Variants in PPFIBP1 observed in about 807,000 individuals in gnomAD.
PPFIBP1 encodes the protein liprin-beta-1.
PPFIBP1 carries 112 observed loss-of-function variants against 137.8 expected under a neutral mutation model. The ratio of observed to expected loss-of-function variants is 0.81; its 90% CI spans 0.70 to 0.95. The LOEUF is 0.95. PPFIBP1 is among the 40% of genes least tolerant of loss of function. The pLI, the probability that PPFIBP1 is intolerant of heterozygous loss-of-function variation, is 0.00. For synonymous variants in PPFIBP1, 378 were observed against 417.3 expected (o/e 0.91, Z 1.15); for missense variants, 1,083 against 1,196.6 (o/e 0.91, Z 1.40).
intron 4 of PPFIBP1, among the ~76,000 whole-genome samples, chr12:27,644,790 T>A (rs1284392437): frequency 6.6e-6 from 1 of 152,346 alleles, no homozygotes; most frequent in East Asian, 1.9e-4. Flanking sequence ...TTTAATCCAC[T>A]CTAAATATGC....
At chr12:27,691,662 C>T (rs925856612) in intron 27 of PPFIBP1, 87 bp from the exon 28 acceptor site, 54 of 1,065,746 alleles carry the variant, frequency 5.1e-5, no homozygotes, top group Middle Eastern at 2.3e-4. Context: ...GAGGGGGCAA[C>T]GCAAAAAAAA....
chr12:27,529,838 CTT>C (rs1190029639), intron 1 of PPFIBP1, among the ~76,000 whole-genome samples: 1 of 152,172 alleles, frequency 6.6e-6, no homozygotes, highest in Non-Finnish European at 1.5e-5. Context: ...AGTGTGGACT[CTT>C]TTATGGTATG....
In PPFIBP1 at chr12:27,693,115, T is replaced by C; in HGVS notation, c.*233T>C. On this transcript the variant is annotated 3_prime_UTR_variant, in exon 30 of 30. Transcript: ENST00000228425. ...GTTTTTCTTCTATTTAATGTAAAAATCTGTGATATATTATATTTAAAGTGT... is the reference window on the plus strand; with the variant it reads ...GTTTTTCTTCTATTTAATGTAAAAACCTGTGATATATTATATTTAAAGTGT... 1 of 481,480 alleles carries C rather than the reference T, an allele frequency of 2.1e-6. No homozygotes were observed. The highest frequency in any genetic ancestry group is 3.4e-6 in the Non-Finnish European group (1 of 291,048). The allele number at this position is 481,480 out of a possible 1,614,324, so 29.8% of individuals were successfully genotyped here.
At chr12:27,618,521 A>C (rs965819806) in intron 2 of PPFIBP1, among the ~76,000 whole-genome samples, 1 of 152,208 alleles carries the variant, frequency 6.6e-6, no homozygotes, top group East Asian at 1.9e-4. Context: ...ATTGATAGTA[A>C]GTCTTTAGAT....
Position 27,593,619 on chromosome 12 carries a change from A to G in PPFIBP1, c.-36+15380A>G. 3 of 451,418 alleles carry G rather than the reference A, an allele frequency of 6.6e-6. No homozygotes were observed. The South Asian group carries it at 7.0e-5, about 11-fold the overall frequency. 28.0% of individuals were successfully genotyped at this position (451,418 alleles called of 1,614,324 possible). ...TTCATTGTCTTTCAGATTTTCTAGA[A>G]ATGTCTGAAACTCTTGCACAAGATT... On this transcript the variant is annotated intron_variant, in intron 2 of 29. Transcript: ENST00000228425.
chr12:27,677,182 A>G (rs143777065), intron 19 of PPFIBP1, 86 bp downstream of exon 19: 85 of 1,501,650 alleles, frequency 5.7e-5, no homozygotes, highest in African/African-American at 9.7e-5. Flanking sequence ...GATCTCTAGA[A>G]AGCGATCTGA....
rs1194171910 is a variant in PPFIBP1 at position 27,647,776 on chromosome 12, A to C, written c.405A>C (p.Arg135=). ...DQVEAQGEKI[R]DLEFCLEEHR... ...TGGAGGCTCAGGGAGAGAAGATTCGAGATTTGGAGTTTTGTCTTGAAGAGC... is the reference window on the plus strand; with the variant it reads ...TGGAGGCTCAGGGAGAGAAGATTCGCGATTTGGAGTTTTGTCTTGAAGAGC... The change falls in exon 6 of 30, where the codon CGA becomes CGC. Residue 135 remains arginine (R), a synonymous_variant. Coordinates refer to ENST00000228425, the MANE Select transcript of PPFIBP1 (RefSeq NM_003622.4). 6.2e-7 allele frequency: 1 copy of C among 1,611,338 alleles called. No individual in the cohort carries two copies. The highest frequency in any genetic ancestry group is 2.2e-5 in the East Asian group (1 of 44,676).
chr12:27,660,830 T>TA lies in PPFIBP1; in HGVS notation c.845-53dup, dbSNP rs2059500902. ...TCAGTCTGGAGAGTAAATAACTTCT[T>TA]ATCACTGTCACACATGTGAACTGAA... On this transcript the variant is annotated intron_variant, in intron 10 of 29. Transcript: ENST00000228425. 1.9e-6 allele frequency: 3 copies of TA among 1,586,404 alleles called. No homozygotes were observed. In the African/African-American group the frequency reaches 4.1e-5, roughly 22 times the overall value.
chr12:27,531,825 C>T (rs1487139722), intron 1 of PPFIBP1, among the ~76,000 whole-genome samples: 2 of 152,078 alleles, frequency 1.3e-5, no homozygotes, highest in Non-Finnish European at 2.9e-5. Context: ...CTCATTCCCA[C>T]CTGCCCACAC....
chr12:27,607,592 T>G (rs1298616315), intron 2 of PPFIBP1, among the ~76,000 whole-genome samples: 2 of 152,208 alleles, frequency 1.3e-5, no homozygotes, highest in Non-Finnish European at 2.9e-5. Flanking sequence ...GGGTGGAGCC[T>G]GAGAATTTGC....
chr12:27,674,085 A>C, intron 16 of PPFIBP1, 107 bp from the exon 17 acceptor site: 4 of 934,006 alleles, frequency 4.3e-6, no homozygotes, highest in Non-Finnish European at 6.5e-6. Flanking sequence ...TTTGTAGCTT[A>C]GAAGTAGATA....
At chr12:27,587,053 A>G (rs1187788396) in intron 2 of PPFIBP1, among the ~76,000 whole-genome samples, 1 of 152,212 alleles carries the variant, frequency 6.6e-6, no homozygotes, top group Non-Finnish European at 1.5e-5. Flanking sequence ...AACTCCTGAA[A>G]TCTTACGTGT....
In PPFIBP1 at chr12:27,580,035, A is replaced by ACAGT. The variant is rs370346782; in HGVS notation, c.-36+1796_-36+1797insCAGT. Among the ~76,000 whole-genome samples the ACAGT allele has an allele frequency of 4.6e-5, 7 of 152,248 alleles. 1 individual carries two copies. Among genetic ancestry groups the ACAGT allele is most frequent in the African/African-American group, 1.7e-4 (7 of 41,534 alleles). ...AGATCCAGAAAAGAGATGTGTCTGG[A>ACAGT]TTCCTATAGAAACTGTCAGGATATC... On this transcript the variant is annotated intron_variant, in intron 2 of 29. Transcript: ENST00000228425.
intron 1 of PPFIBP1, among the ~76,000 whole-genome samples, chr12:27,539,104 A>C (rs972489873): frequency 2.0e-5 from 3 of 152,214 alleles, no homozygotes; most frequent in African/African-American, 7.2e-5. Flanking sequence ...AAGAGTTGTG[A>C]AGATGAAACA....
intron 2 of PPFIBP1, among the ~76,000 whole-genome samples, chr12:27,614,419 C>A (rs922291355): frequency 1.3e-5 from 2 of 152,142 alleles, no homozygotes; most frequent in African/African-American, 4.8e-5. Flanking sequence ...CAGCCCACGA[C>A]TTCTTTAACT....
chr12:27,585,203 G>A (rs905299620), intron 2 of PPFIBP1, among the ~76,000 whole-genome samples: 2 of 152,166 alleles, frequency 1.3e-5, no homozygotes, highest in Non-Finnish European at 2.9e-5. Context: ...AAATGCAATG[G>A]CTTTAAAAAA....
intron 2 of PPFIBP1, among the ~76,000 whole-genome samples, chr12:27,606,443 T>C (rs2137957618): frequency 6.6e-6 from 1 of 152,354 alleles, no homozygotes; most frequent in South Asian, 2.1e-4. Context: ...TGTTAGTAGT[T>C]ACAAATAATA....
chr12:27,572,575 A>T (rs1040316993), intron 1 of PPFIBP1, among the ~76,000 whole-genome samples: 1 of 152,234 alleles, frequency 6.6e-6, no homozygotes, highest in African/African-American at 2.4e-5. Context: ...GGCCTGTTTG[A>T]TGTAATATGT....
intron 2 of PPFIBP1, among the ~76,000 whole-genome samples, chr12:27,601,255 T>C: frequency 6.6e-6 from 1 of 152,348 alleles, no homozygotes; most frequent in African/African-American, 2.4e-5. Context: ...TCAACTGCTT[T>C]TTTTGCTTTA....
Sources: allele counts gnomAD v4.1 joint callset (sites outside exome capture counted in the v4.1 genomes callset), GRCh38; gene constraint gnomAD v4.1.1; transcripts MANE v1.5; gene names NCBI Gene and HGNC (gene_info 2026-07-23, HGNC 2026-07-21).